Variants in DMD observed in about 807,000 individuals in gnomAD.
The protein encoded by DMD is mutant dystrophin.
A neutral mutation model predicts 330.1 loss-of-function variants in DMD; 63 were observed. The ratio of observed to expected loss-of-function variants is 0.19; its 90% CI spans 0.16 to 0.24. The LOEUF (loss-of-function observed/expected upper bound fraction) is 0.24, where lower values mean the gene tolerates loss of function less well. Ranked by LOEUF, DMD falls within the 10% of genes least tolerant of loss-of-function variation. The probability of loss-of-function intolerance (pLI) is 1.00; values close to 1 mark genes in which losing one functional copy is unlikely to be tolerated. For missense variants in DMD, 3,344 were observed against 2,684.1 expected (o/e 1.25, Z -5.43); for synonymous variants, 1,223 against 959.8 (o/e 1.27, Z -5.07).
intron 2 of DMD, among the ~76,000 whole-genome samples, 168 bp from the exon 3 acceptor site, chrX:32,849,988 A>G (rs2081005758): frequency 1.8e-5 from 2 of 112,090 alleles, no homozygotes; most frequent in Admixed American, 9.5e-5. Flanking sequence ...GACAAAAAAA[A>G]TTTAAAAATT....
chrX:32,295,673 T>C (rs2097492447), intron 42 of DMD, among the ~76,000 whole-genome samples: 1 of 111,993 alleles, frequency 8.9e-6, no homozygotes, highest in South Asian at 3.7e-4. Context: ...AGCCAGAGAA[T>C]ACAGAAAATT....
intron 43 of DMD, among the ~76,000 whole-genome samples, chrX:32,281,021 T>C (rs1418263325): frequency 8.9e-6 from 1 of 112,234 alleles, no homozygotes; most frequent in East Asian, 2.8e-4. Context: ...TTCTCTCCTT[T>C]CGTTTCTTTC....
At chrX:32,759,857 G>GAAA (rs2072017602) in intron 7 of DMD, among the ~76,000 whole-genome samples, 1 of 48,639 alleles carries the variant, frequency 2.1e-5, no homozygotes. Context: ...GGGGGGGGGG[G>GAAA]GGCGGGGGAA....
chrX:31,644,932 TAA>T (rs1162777361), intron 54 of DMD, among the ~76,000 whole-genome samples: 1 of 111,793 alleles, frequency 8.9e-6, no homozygotes, highest in Non-Finnish European at 1.9e-5. Flanking sequence ...CCTGTCAGGA[TAA>T]GTTTTACTGT....
chrX:31,294,194 G>A (rs2053990371), intron 62 of DMD, among the ~76,000 whole-genome samples: 1 of 111,797 alleles, frequency 8.9e-6, no homozygotes, highest in African/African-American at 3.3e-5. Context: ...AAGCAACTTA[G>A]TCCCAGATTC....
chrX:33,035,653 T>C (rs893370663), intron 1 of DMD, among the ~76,000 whole-genome samples: 2 of 111,973 alleles, frequency 1.8e-5, no homozygotes, highest in African/African-American at 6.5e-5. Flanking sequence ...ATCGGACACA[T>C]ATTTTTAATG....
rs181628215 is a variant in DMD, at chrX:32,144,841, T to C, written c.6438+72075A>G. Among the ~76,000 whole-genome samples, 674 of 111,186 alleles carry C rather than the reference T, an allele frequency of 6.1e-3. 6 individuals carry two copies. Among genetic ancestry groups the C allele is most frequent in the African/African-American group, 0.018 (562 of 30,533 alleles). On this transcript the variant is annotated intron_variant, in intron 44 of 78. Coordinates refer to ENST00000357033, the MANE Select transcript of DMD (RefSeq NM_004006.3). ...TGAGGTCAGGAGTTCGAGACCAGCC[T>C]GGCCAACATGGTGAACCCCTGTCTC...
At chrX:32,910,565 G>C (rs2087139518) in intron 2 of DMD, among the ~76,000 whole-genome samples, 2 of 110,797 alleles carry the variant, frequency 1.8e-5, no homozygotes, top group Admixed American at 9.7e-5. Flanking sequence ...CTCCTGAGTA[G>C]CTGGGATTCC....
chrX:32,783,776 G>T (rs1300920384), intron 7 of DMD, among the ~76,000 whole-genome samples: 8 of 111,157 alleles, frequency 7.2e-5, no homozygotes, highest in Non-Finnish European at 5.7e-5. Context: ...AGCATCCACA[G>T]ATTTTAGTAT....
At chrX:33,110,120 T>C (rs978273714) in intron 1 of DMD, among the ~76,000 whole-genome samples, 2 of 111,169 alleles carry the variant, frequency 1.8e-5, no homozygotes, top group Non-Finnish European at 3.8e-5. Flanking sequence ...AGAGAAACAA[T>C]CACGTGTGCT....
chrX:32,936,718 C>T (rs2090048583), intron 2 of DMD, among the ~76,000 whole-genome samples: 1 of 111,797 alleles, frequency 8.9e-6, no homozygotes, highest in African/African-American at 3.3e-5. Flanking sequence ...GGGGATACTT[C>T]TAGCCAAATA....
At chrX:31,400,211 C>T (rs1226147092) in intron 60 of DMD, among the ~76,000 whole-genome samples, 3 of 111,478 alleles carry the variant, frequency 2.7e-5, no homozygotes, top group African/African-American at 9.8e-5. Context: ...CCATTCTATT[C>T]AAAGTCATCC....
At chrX:32,289,967 T>A (rs986595582) in intron 42 of DMD, among the ~76,000 whole-genome samples, 4 of 111,690 alleles carry the variant, frequency 3.6e-5, no homozygotes, top group Non-Finnish European at 7.5e-5. Flanking sequence ...TTACTTTTTT[T>A]AAAAAAGCAT....
intron 50 of DMD, among the ~76,000 whole-genome samples, chrX:31,801,593 AC>A (rs1227668956): frequency 1.9e-4 from 8 of 43,212 alleles, no homozygotes; most frequent in Non-Finnish European, 3.6e-4. Context: ...CCCCCCCCCA[AC>A]ACACACACAA....
At chrX:32,398,570 C>A (rs1311710510) in intron 30 of DMD, among the ~76,000 whole-genome samples, 1 of 110,819 alleles carries the variant, frequency 9.0e-6, no homozygotes, top group East Asian at 2.8e-4. Context: ...TAATCTTGAC[C>A]ACAGAACCGT....
rs139755535 is a variant in DMD, at chrX:31,685,837, C to T, written c.7661-6251G>A. Among the ~76,000 whole-genome samples the T allele has an allele frequency of 6.9e-3, 771 of 112,359 alleles. 5 individuals carry two copies. Among genetic ancestry groups the T allele is most frequent in the African/African-American group, 0.023 (719 of 30,947 alleles). On this transcript the variant is annotated intron_variant, in intron 52 of 78. Coordinates refer to ENST00000357033, the MANE Select transcript of DMD (RefSeq NM_004006.3). ...GTTAGCCCTGGTTCCTTGCCTTTAC[C>T]CCCTTGTGGTTGACAACTTTGAGGC...
chrX:32,416,138 G>T (rs1297507267), intron 29 of DMD, among the ~76,000 whole-genome samples: 1 of 111,728 alleles, frequency 9.0e-6, no homozygotes, highest in Admixed American at 9.5e-5. Flanking sequence ...ACCAAAAAAT[G>T]TATTTAACAT....
Position 32,699,211 on chromosome X carries a change from G to A in DMD, c.732C>T (p.Ser244=), listed in dbSNP as rs756282849. Residue 244 remains serine (S), a synonymous_variant, in exon 8 of 79, where the codon AGC becomes AGT. Transcript: ENST00000357033. The part of the protein sequence containing the change: ...SLFQVLPQQV[S]IEAIQEVEML... ...TTTCCACTTCCTGGATGGCTTCAAT[G>A]CTCACTTGTTGAGGCAAAACTTGGA... 4 of 1,206,936 alleles carry A rather than the reference G, an allele frequency of 3.3e-6. No individual in the cohort carries two copies. In the African/African-American group the frequency reaches 7.0e-5, roughly 21 times the overall value.
intron 44 of DMD, among the ~76,000 whole-genome samples, chrX:32,172,207 T>C (rs561577477): frequency 8.9e-5 from 10 of 111,771 alleles, no homozygotes; most frequent in Middle Eastern, 4.6e-3. Flanking sequence ...TTGGTCAGCT[T>C]TGTTCATTCT....
Sources: allele counts gnomAD v4.1 joint callset (sites outside exome capture counted in the v4.1 genomes callset), GRCh38; gene constraint gnomAD v4.1.1; transcripts MANE v1.5; gene names NCBI Gene and HGNC (gene_info 2026-07-23, HGNC 2026-07-21).